Variants in ADGRL3 observed in about 807,000 individuals in gnomAD.
ADGRL3 encodes the protein adhesion G protein-coupled receptor L3.
Under a neutral mutation model 153.5 loss-of-function variants are expected in ADGRL3, and 62 were observed. The ratio of observed to expected loss-of-function variants is 0.40; its 90% CI spans 0.33 to 0.50. The LOEUF (loss-of-function observed/expected upper bound fraction) is 0.50, where lower values mean the gene tolerates loss of function less well. ADGRL3 is among the 20% of genes least tolerant of loss of function. The pLI is 0.47. For synonymous variants in ADGRL3, 710 were observed against 672.5 expected (o/e 1.06, Z -0.86); for missense variants, 1,641 against 1,859.4 (o/e 0.88, Z 2.16).
At position 62,031,589 on chromosome 4, in the gene ADGRL3, C is replaced by A; in HGVS notation, c.3570C>A (p.Phe1190Leu). The A allele has an allele frequency of 6.2e-7, 1 of 1,607,754 alleles. No individual in the cohort carries two copies. Among genetic ancestry groups the A allele is most frequent in the Non-Finnish European group, 8.5e-7 (1 of 1,175,732 alleles). ...TACAGGGAATGTTTATATTTATTTTCCATTGTGTCCTACAGAAGAAGGTAA... is the reference window on the plus strand; with the variant it reads ...TACAGGGAATGTTTATATTTATTTTACATTGTGTCCTACAGAAGAAGGTAA... ...NSLQGMFIFI[F>L]HCVLQKKVRK... Residue 1190 changes from phenylalanine to leucine, a missense_variant, in exon 23 of 27, where the codon TTC becomes TTA. This residue lies in a region of ADGRL3 where 517 missense variants were observed against 555.0 expected (regional missense o/e 0.93). Transcript: ENST00000683033.
At chr4:62,026,008 C>T (rs1052091411) in intron 21 of ADGRL3, among the ~76,000 whole-genome samples, 2 of 152,090 alleles carry the variant, frequency 1.3e-5, no homozygotes, top group Non-Finnish European at 2.9e-5. Flanking sequence ...ACTAGATTAT[C>T]TAGGCCAGTA....
intron 23 of ADGRL3, among the ~76,000 whole-genome samples, chr4:62,032,426 T>G (rs1722605317): frequency 6.6e-6 from 1 of 151,550 alleles, no homozygotes; most frequent in Non-Finnish European, 1.5e-5. Flanking sequence ...CTCAGCCAGA[T>G]TGCCTGGGTT....
At chr4:61,326,656 T>C (rs2095472971) in intron 1 of ADGRL3, among the ~76,000 whole-genome samples, 1 of 150,420 alleles carries the variant, frequency 6.6e-6, no homozygotes, top group Non-Finnish European at 1.5e-5. Context: ...CACAAAAATT[T>C]AAGAATGGTG....
At chr4:61,844,575 A>ATATATATATAT (rs71213013) in intron 9 of ADGRL3, among the ~76,000 whole-genome samples, 1 of 18,106 alleles carries the variant, frequency 5.5e-5, no homozygotes, top group African/African-American at 2.6e-4. Context: ...AAAAAAAAAA[A>ATATATATATAT]ATATATATAT....
At position 62,044,476 on chromosome 4, in the gene ADGRL3, T is replaced by C. The variant is rs1289788945; in HGVS notation, c.3741T>C (p.Asn1247=). 1.3e-6 allele frequency: 2 copies of C among 1,594,426 alleles called. No individual in the cohort carries two copies. The highest frequency in any genetic ancestry group is 3.5e-5 in the Admixed American group (2 of 57,806). The change falls in exon 25 of 27, where the codon AAT becomes AAC. Residue 1247 remains asparagine (N), a synonymous_variant. Coordinates refer to ENST00000683033, the MANE Select transcript of ADGRL3 (RefSeq NM_001387552.1). ...AGAGCCGAATCCGTAGAATGTGGAA[T>C]GACACGGTTCGAAAGCAGTCAGAGT... ...GSQSRIRRMW[N]DTVRKQSESS... is the part of the protein sequence containing the mutation.
chr4:61,833,958 CTT>C (rs113049750), intron 9 of ADGRL3, among the ~76,000 whole-genome samples: 38 of 123,392 alleles, frequency 3.1e-4, no homozygotes, highest in Admixed American at 6.5e-4. Flanking sequence ...AAGGCAGCTT[CTT>C]TTTTTTTTTT....
intron 5 of ADGRL3, among the ~76,000 whole-genome samples, chr4:61,643,018 G>T (rs1158132155): frequency 2.6e-5 from 4 of 152,090 alleles, no homozygotes; most frequent in African/African-American, 7.2e-5. Context: ...CTTGTAAGTT[G>T]GATTCCTAGG....
intron 1 of ADGRL3, among the ~76,000 whole-genome samples, chr4:61,290,593 A>G (rs2094136592): frequency 1.3e-5 from 2 of 151,774 alleles, no homozygotes; most frequent in Non-Finnish European, 2.9e-5. Flanking sequence ...GCAGTAAGCT[A>G]TAATTGTACC....
At position 61,755,796 on chromosome 4, in the gene ADGRL3, A is replaced by G. The variant is rs893904912; in HGVS notation, c.1399+22242A>G. 4.5e-4 allele frequency among the ~76,000 whole-genome samples: 68 copies of G among 152,294 alleles called. 1 individual carries two copies. The highest frequency in any genetic ancestry group is 1.5e-3 in the African/African-American group (63 of 41,558). Reference sequence around the variant, plus strand: ...TAATCCATCTTGAATTAATTTTTGTATAAGGTGTAAAGAAGGGATCCAGTT... The same window carrying G: ...TAATCCATCTTGAATTAATTTTTGTGTAAGGTGTAAAGAAGGGATCCAGTT... On this transcript the variant is annotated intron_variant, in intron 8 of 26. Transcript: ENST00000683033.
chr4:61,521,924 T>C (rs1168677251), intron 4 of ADGRL3, among the ~76,000 whole-genome samples: 1 of 152,144 alleles, frequency 6.6e-6, no homozygotes, highest in South Asian at 2.1e-4. Flanking sequence ...AAAAATGTTA[T>C]GTGTTTAGCA....
At chr4:61,619,470 A>G (rs1236734765) in intron 5 of ADGRL3, among the ~76,000 whole-genome samples, 7 of 151,738 alleles carry the variant, frequency 4.6e-5, no homozygotes, top group Admixed American at 4.6e-4. Flanking sequence ...GAAATGTTCC[A>G]TTTTTGTTTC....
chr4:61,427,960 G>A (rs6820040), intron 2 of ADGRL3: 60,085 of 152,536 alleles, frequency 0.39, 12,389 homozygotes, highest in Middle Eastern at 0.57. Context: ...TGGGAGACCC[G>A]TCCACCATCA....
chr4:61,648,012 A>T (rs1296713619), intron 5 of ADGRL3, among the ~76,000 whole-genome samples: 1 of 152,144 alleles, frequency 6.6e-6, no homozygotes. Flanking sequence ...CACACAACAT[A>T]TTCTTATAAA....
At chr4:61,834,688 C>T (rs1021219928) in intron 9 of ADGRL3, among the ~76,000 whole-genome samples, 24 of 152,100 alleles carry the variant, frequency 1.6e-4, no homozygotes, top group African/African-American at 5.6e-4. Context: ...GGAGTGAAAC[C>T]ACTTTGTACC....
intron 5 of ADGRL3, among the ~76,000 whole-genome samples, chr4:61,615,333 C>T (rs930622639): frequency 4.0e-5 from 6 of 151,738 alleles, no homozygotes; most frequent in South Asian, 2.1e-4. Flanking sequence ...AGTTCACAGT[C>T]GAGAGGGATG....
At chr4:61,459,054 G>T (rs185579558) in intron 2 of ADGRL3, among the ~76,000 whole-genome samples, 1,543 of 151,556 alleles carry the variant, frequency 0.01, 11 homozygotes, top group Non-Finnish European at 0.015. Context: ...TTAAGGAAAA[G>T]ATTATTTTCT....
Position 62,018,211 on chromosome 4 carries a change from G to T in ADGRL3, c.3396-10644G>T, listed in dbSNP as rs540552587. 2.2e-4 allele frequency among the ~76,000 whole-genome samples: 33 copies of T among 152,224 alleles called. 2 individuals are homozygous for T. The highest frequency in any genetic ancestry group is 1.9e-3 in the Admixed American group (29 of 15,286). Reference sequence around the variant, plus strand: ...CCAAAGGCCAGCAGGTGCTTCCTTGGCTCCCTGTGATGGAGTCTAGGCGTA... The same window carrying T: ...CCAAAGGCCAGCAGGTGCTTCCTTGTCTCCCTGTGATGGAGTCTAGGCGTA... On this transcript the variant is annotated intron_variant, in intron 21 of 26. Transcript: ENST00000683033.
intron 24 of ADGRL3, among the ~76,000 whole-genome samples, chr4:62,040,584 T>C (rs937287951): frequency 1.4e-4 from 21 of 152,084 alleles, no homozygotes; most frequent in Non-Finnish European, 2.5e-4. Flanking sequence ...TATCTCTATA[T>C]ATTATGATTT....
chr4:61,248,387 A>G (rs978856364), intron 1 of ADGRL3, among the ~76,000 whole-genome samples: 3 of 152,158 alleles, frequency 2.0e-5, no homozygotes, highest in Non-Finnish European at 2.9e-5. Flanking sequence ...GCAACTCATC[A>G]GTGATTTTAT....
Sources: gnomAD v4.1 joint callset for allele counts (sites outside exome capture counted in the v4.1 genomes callset) on GRCh38, gnomAD v4.1.1 for gene constraint, gnomAD v4.1.1 regional missense constraint, MANE v1.5 for transcripts, NCBI Gene and HGNC (gene_info 2026-07-23, HGNC 2026-07-21) for gene names.